The following WWOX variants were observed in gnomAD, a reference collection of about 807,000 sequenced individuals.
WWOX encodes the protein WW domain containing oxidoreductase.
Under a neutral mutation model 46.2 loss-of-function variants are expected in WWOX, and 69 were observed. The observed-to-expected ratio is 1.49, with a 90% CI of 1.23 to 1.82. The LOEUF (loss-of-function observed/expected upper bound fraction) is 1.82, where lower values mean the gene tolerates loss of function less well. Ranked by LOEUF, WWOX falls within the 40% of genes most tolerant of loss-of-function variation. WWOX has a pLI of 0.00. For missense variants in WWOX, 919 were observed against 542.6 expected, an observed-to-expected ratio of 1.69 and a Z score of -6.89; for synonymous variants, 359 against 202.6, an observed-to-expected ratio of 1.77 and a Z score of -6.56.
chr16:78,601,416 G>A (rs1340330820), intron 8 of WWOX, among the ~76,000 whole-genome samples: 2 of 148,312 alleles, frequency 1.3e-5, no homozygotes, highest in Non-Finnish European at 3.0e-5. Context: ...TCCTTGACTG[G>A]TGCATGGGAA....
chr16:78,868,789 T>A (rs1179995376), intron 8 of WWOX, among the ~76,000 whole-genome samples: 1 of 152,200 alleles, frequency 6.6e-6, no homozygotes, highest in Non-Finnish European at 1.5e-5. Flanking sequence ...CCTCAGATAA[T>A]GACCATTAAT....
At chr16:78,412,709 T>G (rs923770549) in intron 6 of WWOX, among the ~76,000 whole-genome samples, 2 of 152,142 alleles carry the variant, frequency 1.3e-5, no homozygotes, top group Non-Finnish European at 2.9e-5. Context: ...TTGCTGAATT[T>G]ATTGATTGAG....
chr16:78,150,629 T>C (rs570572302), intron 4 of WWOX, among the ~76,000 whole-genome samples: 21 of 152,028 alleles, frequency 1.4e-4, no homozygotes, highest in Non-Finnish European at 2.1e-4. Flanking sequence ...GCAATCCTCC[T>C]GCCTCGGCCT....
chr16:78,763,599 G>A (rs1440893455), intron 8 of WWOX, among the ~76,000 whole-genome samples: 1 of 152,190 alleles, frequency 6.6e-6, no homozygotes, highest in Non-Finnish European at 1.5e-5. Flanking sequence ...CTGCCGAGTT[G>A]CTGTCATTGA....
At chr16:78,641,545 C>G (rs1040642055) in intron 8 of WWOX, among the ~76,000 whole-genome samples, 2 of 152,090 alleles carry the variant, frequency 1.3e-5, no homozygotes, top group African/African-American at 4.8e-5. Flanking sequence ...ACATGTAAAT[C>G]AGCTCATTCA....
chr16:79,163,181 C>G (rs1392741169), intron 8 of WWOX, among the ~76,000 whole-genome samples: 2 of 152,000 alleles, frequency 1.3e-5, no homozygotes, highest in East Asian at 1.9e-4. Context: ...ACTGTGTATA[C>G]AAACCTAGGA....
chr16:78,479,222 T>G (rs1476615713), intron 8 of WWOX, among the ~76,000 whole-genome samples: 2 of 152,240 alleles, frequency 1.3e-5, no homozygotes, highest in Non-Finnish European at 2.9e-5. Flanking sequence ...CCAATACGTA[T>G]TGAATACCTA....
At chr16:78,519,804 T>G (rs1436650817) in intron 8 of WWOX, among the ~76,000 whole-genome samples, 1 of 152,080 alleles carries the variant, frequency 6.6e-6, no homozygotes, top group African/African-American at 2.4e-5. Flanking sequence ...CAACACCACA[T>G]CTACTGGCCC....
At chr16:78,971,574 C>G (rs748523922) in intron 8 of WWOX, among the ~76,000 whole-genome samples, 1 of 151,576 alleles carries the variant, frequency 6.6e-6, no homozygotes, top group East Asian at 1.9e-4. Flanking sequence ...TCAAATGGAG[C>G]AAAGTGTGCT....
At chr16:78,735,459 C>T (rs921103242) in intron 8 of WWOX, among the ~76,000 whole-genome samples, 1 of 151,278 alleles carries the variant, frequency 6.6e-6, no homozygotes, top group African/African-American at 2.4e-5. Flanking sequence ...AGAACCCTGA[C>T]TAATACAGAG....
intron 8 of WWOX, among the ~76,000 whole-genome samples, chr16:78,666,475 A>G (rs915006093): frequency 2.0e-5 from 3 of 152,170 alleles, no homozygotes; most frequent in African/African-American, 7.2e-5. Context: ...AAGTTTGAAT[A>G]TTGTAATTTG....
intron 8 of WWOX, among the ~76,000 whole-genome samples, chr16:78,688,649 A>C (rs1201498020): frequency 6.6e-6 from 1 of 152,120 alleles, no homozygotes; most frequent in Non-Finnish European, 1.5e-5. Flanking sequence ...ATAATTGATA[A>C]TGTCTGAGGC....
intron 8 of WWOX, among the ~76,000 whole-genome samples, chr16:78,908,911 G>C (rs568836881): frequency 6.6e-6 from 1 of 152,324 alleles, no homozygotes; most frequent in South Asian, 2.1e-4. Context: ...TCAGAATCTT[G>C]CAGCCTCCGG....
At position 78,428,910 on chromosome 16, in the gene WWOX, A is replaced by G. The variant is rs1453674150; in HGVS notation, c.792-3578A>G. 2.0e-5 allele frequency among the ~76,000 whole-genome samples: 3 copies of G among 152,222 alleles called. No individual in the cohort carries two copies. In the East Asian group the frequency reaches 5.8e-4, roughly 29 times the overall value. Reference sequence around the variant, plus strand: ...CCACATGTAAACATTAATGGAAAACATAGAAGAGTTGAACCTAGTGGTAAA... The same window carrying G: ...CCACATGTAAACATTAATGGAAAACGTAGAAGAGTTGAACCTAGTGGTAAA... On this transcript the variant is annotated intron_variant, in intron 7 of 8. Transcript: ENST00000566780.
At chr16:78,474,559 A>G (rs2084311166) in intron 8 of WWOX, among the ~76,000 whole-genome samples, 1 of 152,214 alleles carries the variant, frequency 6.6e-6, no homozygotes, top group East Asian at 1.9e-4. Context: ...CGTAAACTGC[A>G]CTTTATTTTT....
intron 8 of WWOX, among the ~76,000 whole-genome samples, chr16:78,967,326 G>T (rs2046380891): frequency 9.6e-6 from 1 of 104,674 alleles, no homozygotes; most frequent in African/African-American, 3.8e-5. Context: ...GACTCACTCT[G>T]TCACCCAGGC....
intron 8 of WWOX, among the ~76,000 whole-genome samples, chr16:78,607,169 A>C (rs1199901659): frequency 2.0e-5 from 3 of 152,196 alleles, no homozygotes; most frequent in East Asian, 1.9e-4. Flanking sequence ...CAGAAAACAC[A>C]ATAAATACAC....
chr16:79,178,836 A>T (rs1173096010), intron 8 of WWOX, among the ~76,000 whole-genome samples: 4 of 151,962 alleles, frequency 2.6e-5, no homozygotes, highest in Admixed American at 2.6e-4. Context: ...AATAGAAACA[A>T]TTTTTTTTGT....
chr16:79,150,024 A>G (rs956232292), intron 8 of WWOX, among the ~76,000 whole-genome samples: 1 of 152,212 alleles, frequency 6.6e-6, no homozygotes, highest in Non-Finnish European at 1.5e-5. Flanking sequence ...CTAAGAAGGA[A>G]ATGCTTTTCT....
Sources: allele counts gnomAD v4.1 joint callset (sites outside exome capture counted in the v4.1 genomes callset), GRCh38; gene constraint gnomAD v4.1.1; transcripts MANE v1.5; gene names NCBI Gene and HGNC (gene_info 2026-07-23, HGNC 2026-07-21).